CAST: variants seen among roughly 807,000 people sequenced by gnomAD.
CAST encodes the protein calpastatin.
In CAST, 76 loss-of-function variants were observed where a neutral mutation model predicts 119.6. That is an observed-to-expected ratio of 0.64 (90% confidence interval 0.53 to 0.77). CAST has a LOEUF of 0.77. CAST is among the 30% of genes least tolerant of loss of function. The pLI, the probability that CAST is intolerant of heterozygous loss-of-function variation, is 0.00. For missense variants in CAST, 953 were observed against 946.5 expected (o/e 1.01, Z -0.09); for synonymous variants, 319 against 331.6 (o/e 0.96, Z 0.41).
chr5:96,574,586 G>A (rs1190586286), intron 1 of CAST, among the ~76,000 whole-genome samples: 2 of 152,048 alleles, frequency 1.3e-5, no homozygotes, highest in Non-Finnish European at 2.9e-5. Context: ...TGTATTTCAT[G>A]CATGGAGTCT....
chr5:96,040,475 G>T, the CAST span, among the ~76,000 whole-genome samples: 246 of 152,056 alleles, frequency 1.6e-3, 1 homozygote, highest in African/African-American at 5.4e-3. Context: ...GTGCTTCCAG[G>T]TTTTGCCCAT....
the CAST span, among the ~76,000 whole-genome samples, chr5:95,984,962 T>TG: frequency 7.1e-6 from 1 of 141,306 alleles, no homozygotes; most frequent in South Asian, 2.2e-4. Context: ...TTGAATATAC[T>TG]GAGATAAAGA....
chr5:96,268,412 A>T, the CAST span, among the ~76,000 whole-genome samples: 1 of 151,796 alleles, frequency 6.6e-6, no homozygotes, highest in Non-Finnish European at 1.5e-5. Context: ...ATCTCTACAT[A>T]AAAAAAAATT....
the CAST span, among the ~76,000 whole-genome samples, chr5:95,993,554 T>C: frequency 6.6e-6 from 1 of 152,156 alleles, no homozygotes; most frequent in Non-Finnish European, 1.5e-5. Context: ...AAGTTCAGTA[T>C]GTGCCAAGTT....
chr5:96,431,883 G>A, the CAST span, among the ~76,000 whole-genome samples: 2 of 152,088 alleles, frequency 1.3e-5, no homozygotes, highest in African/African-American at 2.4e-5. Context: ...CAGGGGGCGA[G>A]GGCTTGATTC....
chr5:96,337,778 CTTTGG>C, the CAST span, among the ~76,000 whole-genome samples: 4 of 152,178 alleles, frequency 2.6e-5, no homozygotes, highest in Non-Finnish European at 5.9e-5. Flanking sequence ...ATCTGGACAT[CTTTGG>C]ACTTGATTTC....
At chr5:96,706,840 G>A (rs1026815202) in intron 3 of CAST, among the ~76,000 whole-genome samples, 19 of 152,140 alleles carry the variant, frequency 1.2e-4, no homozygotes, top group African/African-American at 4.6e-4. Context: ...CTCTTCCCTT[G>A]TAGACAGACT....
the CAST span, among the ~76,000 whole-genome samples, chr5:96,129,449 T>A: frequency 1.8e-4 from 28 of 152,196 alleles, 1 homozygote; most frequent in Admixed American, 1.3e-3. Context: ...GAAGCTCAGA[T>A]TCTCTGGTTC....
At chr5:96,254,753 A>G in the CAST span, among the ~76,000 whole-genome samples, 1 of 152,154 alleles carries the variant, frequency 6.6e-6, no homozygotes, top group East Asian at 1.9e-4. Flanking sequence ...TGACAGGAGA[A>G]GAGTTTCTGA....
the CAST span, among the ~76,000 whole-genome samples, chr5:96,460,698 G>A: frequency 6.6e-6 from 1 of 152,184 alleles, no homozygotes; most frequent in South Asian, 2.1e-4. Context: ...CTTGCATAAA[G>A]TAGCTGCATA....
At chr5:96,668,046 A>G (rs952425024) in intron 1 of CAST, among the ~76,000 whole-genome samples, 2 of 152,190 alleles carry the variant, frequency 1.3e-5, no homozygotes, top group Non-Finnish European at 2.9e-5. Flanking sequence ...ATAAATAAGT[A>G]TAATGACCTC....
chr5:96,395,292 T>C, the CAST span, among the ~76,000 whole-genome samples: 16 of 152,250 alleles, frequency 1.1e-4, no homozygotes, highest in Non-Finnish European at 1.3e-4. Flanking sequence ...TTGGATGTGT[T>C]CTTGGAAAGC....
At chr5:96,126,166 G>A in the CAST span, among the ~76,000 whole-genome samples, 3 of 151,948 alleles carry the variant, frequency 2.0e-5, no homozygotes, top group African/African-American at 7.3e-5. Context: ...GGTTCCTTTG[G>A]GAATTCCTTT....
intron 1 of CAST, among the ~76,000 whole-genome samples, chr5:96,564,051 G>A (rs1256735324): frequency 1.3e-5 from 2 of 152,208 alleles, no homozygotes; most frequent in Non-Finnish European, 2.9e-5. Flanking sequence ...GCTGCATGAT[G>A]AGGTCCTGTT....
At chr5:96,553,582 G>A (rs1356784972) in intron 1 of CAST, among the ~76,000 whole-genome samples, 2 of 152,144 alleles carry the variant, frequency 1.3e-5, no homozygotes, top group South Asian at 2.1e-4. Flanking sequence ...AGGCAATAAA[G>A]GTATTCAAAG....
At chr5:96,565,286 G>T (rs57537475) in intron 1 of CAST, among the ~76,000 whole-genome samples, 31,937 of 151,770 alleles carry the variant, frequency 0.21, 4,129 homozygotes, top group African/African-American at 0.33. Context: ...TAAATATGAA[G>T]AAATAAATAT....
At chr5:96,538,467 C>T (rs261978) in intron 1 of CAST, among the ~76,000 whole-genome samples, 51,911 of 151,990 alleles carry the variant, frequency 0.34, 9,149 homozygotes, top group Middle Eastern at 0.44. Flanking sequence ...GAAAAGCATG[C>T]AGATTAAAAA....
the CAST span, among the ~76,000 whole-genome samples, chr5:96,095,789 C>T: frequency 2.0e-5 from 3 of 151,948 alleles, no homozygotes; most frequent in African/African-American, 7.3e-5. Context: ...CAAAGACCCA[C>T]TGAAAACATC....
At chr5:96,066,189 A>G in the CAST span, among the ~76,000 whole-genome samples, 1 of 152,262 alleles carries the variant, frequency 6.6e-6, no homozygotes, top group Admixed American at 6.5e-5. Flanking sequence ...GGAGACTGAA[A>G]AGTTGTAGTA....
Sources: allele counts gnomAD v4.1 joint callset (sites outside exome capture counted in the v4.1 genomes callset), GRCh38; gene constraint gnomAD v4.1.1; transcripts MANE v1.5; gene names NCBI Gene and HGNC (gene_info 2026-07-23, HGNC 2026-07-21).